The following UBE2Q2 variants were observed in gnomAD, a reference collection of about 807,000 sequenced individuals.
UBE2Q2 encodes the protein ubiquitin-conjugating enzyme E2 Q2.
In UBE2Q2, 54 loss-of-function variants were observed where a neutral mutation model predicts 59.9. The ratio of observed to expected loss-of-function variants is 0.90; its 90% CI spans 0.72 to 1.13. The LOEUF (loss-of-function observed/expected upper bound fraction) is 1.13. Ranked by LOEUF, UBE2Q2 falls within the 50% of genes most tolerant of loss-of-function variation. The probability of loss-of-function intolerance (pLI) is 0.00; values close to 1 mark genes in which losing one functional copy is unlikely to be tolerated. For synonymous variants in UBE2Q2, 165 were observed against 155.2 expected, an observed-to-expected ratio of 1.06 and a Z score of -0.47; for missense variants, 433 against 441.9, an observed-to-expected ratio of 0.98 and a Z score of 0.18.
At chr15:75,866,155 T>G (rs902236408) in intron 3 of UBE2Q2, among the ~76,000 whole-genome samples, 3 of 152,082 alleles carry the variant, frequency 2.0e-5, no homozygotes, top group African/African-American at 4.8e-5. Flanking sequence ...CTGTAAAGTG[T>G]GGGGGTTTTA....
intron 1 of UBE2Q2, among the ~76,000 whole-genome samples, chr15:75,853,488 A>C (rs1307388274): frequency 6.8e-6 from 1 of 147,308 alleles, no homozygotes; most frequent in Non-Finnish European, 1.5e-5. Flanking sequence ...AAGAAAAAAA[A>C]ATTATATATA....
chr15:75,894,136 G>C (rs1899262408), intron 11 of UBE2Q2, among the ~76,000 whole-genome samples: 1 of 152,182 alleles, frequency 6.6e-6, no homozygotes, highest in Non-Finnish European at 1.5e-5. Context: ...AGAATATCTA[G>C]AGAATAGCAA....
intron 4 of UBE2Q2, among the ~76,000 whole-genome samples, chr15:75,872,780 A>G (rs1296959895): frequency 1.3e-5 from 2 of 152,296 alleles, no homozygotes; most frequent in East Asian, 3.9e-4. Flanking sequence ...GAGATAACTA[A>G]GATTAACTGA....
At chr15:75,866,119 G>T (rs1357395949) in intron 3 of UBE2Q2, among the ~76,000 whole-genome samples, 1 of 151,428 alleles carries the variant, frequency 6.6e-6, no homozygotes, top group Non-Finnish European at 1.5e-5. Flanking sequence ...TTTTCTTTCT[G>T]GTAGTTGGTA....
chr15:75,899,532 G>A lies in UBE2Q2; in HGVS notation c.*74G>A, dbSNP rs779015785. The A allele has an allele frequency of 1.6e-6, 2 of 1,288,058 alleles. No individual in the cohort carries two copies. The highest frequency in any genetic ancestry group is 2.2e-6 in the Non-Finnish European group (2 of 912,452). 79.8% of individuals were successfully genotyped at this position (1,288,058 alleles called of 1,614,324 possible). ...TTTCTAACATGCAGACAAAAGCTTT[G>A]AGTGCCCCTATTACAGCAGTACCGA... On this transcript the variant is annotated 3_prime_UTR_variant, in exon 13 of 13. Coordinates refer to ENST00000267938, the MANE Select transcript of UBE2Q2 (RefSeq NM_173469.4).
chr15:75,883,259 C>A, intron 8 of UBE2Q2, 107 bp from the exon 9 acceptor site: 3 of 1,028,048 alleles, frequency 2.9e-6, no homozygotes, highest in South Asian at 1.7e-5. Context: ...TACCCATTAT[C>A]TGATAATAAA....
At chr15:75,871,345 C>T (rs539376112) in intron 4 of UBE2Q2, among the ~76,000 whole-genome samples, 3 of 152,322 alleles carry the variant, frequency 2.0e-5, no homozygotes, top group Admixed American at 6.5e-5. Flanking sequence ...TTCCTCTTGT[C>T]TCAACTGCAA....
chr15:75,844,491 G>A, intron 1 of UBE2Q2: 1 of 1,551,290 alleles, frequency 6.4e-7, no homozygotes, highest in Non-Finnish European at 8.7e-7. Context: ...GGCAGGTGGT[G>A]TTGAGTGTGT....
Position 75,843,775 on chromosome 15 carries a change from C to G in UBE2Q2, c.109C>G (p.Gln37Glu), listed in dbSNP as rs890641626. 15 of 1,610,106 alleles carry G rather than the reference C, an allele frequency of 9.3e-6. No homozygotes were observed. Among genetic ancestry groups the G allele is most frequent in the Non-Finnish European group, 1.2e-5 (14 of 1,178,720 alleles). Residue 37 changes from glutamine (Q) to glutamate (E), a missense_variant, in exon 1 of 13, where the codon CAG (glutamine) becomes GAG (glutamate). Transcript: ENST00000267938. ...VSWKLDELHCQFLVPQQGSPH... is the reference protein window; with the variant it reads ...VSWKLDELHCEFLVPQQGSPH... ...TTGGAAGCTGGACGAGCTGCACTGC[C>G]AGTTCCTGGTGCCGCAGCAGGGCAG...
chr15:75,852,627 CTT>C, intron 1 of UBE2Q2, among the ~76,000 whole-genome samples: 1 of 152,288 alleles, frequency 6.6e-6, no homozygotes, highest in South Asian at 2.1e-4. Flanking sequence ...GTTGCAGTTT[CTT>C]TAGCCTAAGG....
intron 1 of UBE2Q2, among the ~76,000 whole-genome samples, chr15:75,849,013 G>A (rs139408881): frequency 6.6e-6 from 1 of 152,226 alleles, no homozygotes; most frequent in East Asian, 1.9e-4. Context: ...TGCTGCTTGT[G>A]TTTGAATACT....
chr15:75,879,844 C>T (rs1180302846), intron 8 of UBE2Q2, among the ~76,000 whole-genome samples: 1 of 151,948 alleles, frequency 6.6e-6, no homozygotes, highest in Non-Finnish European at 1.5e-5. Flanking sequence ...CATACGTGAG[C>T]AGTAAAACTG....
At chr15:75,894,269 A>T (rs755740309) in intron 11 of UBE2Q2, among the ~76,000 whole-genome samples, 1 of 152,098 alleles carries the variant, frequency 6.6e-6, no homozygotes, top group Non-Finnish European at 1.5e-5. Context: ...AAAGGACAAT[A>T]AAAAAAACCT....
At chr15:75,859,507 T>C (rs368886309) in intron 2 of UBE2Q2, among the ~76,000 whole-genome samples, 31 of 152,340 alleles carry the variant, frequency 2.0e-4, no homozygotes, top group African/African-American at 7.5e-4. Context: ...ATTTTTTCTG[T>C]TATTTTTTGT....
In UBE2Q2 at chr15:75,899,669, T is replaced by C; in HGVS notation, c.*211T>C. ...ATATCTTGGACTGAGCAGTGGGGCC[T>C]TTACTGTATTTTTCCTGATAAATAC... On this transcript the variant is annotated 3_prime_UTR_variant, in exon 13 of 13. Transcript: ENST00000267938. 3 of 321,532 alleles carry C rather than the reference T, an allele frequency of 9.3e-6. No individual in the cohort carries two copies. The highest frequency in any genetic ancestry group is 1.4e-4 in the South Asian group (2 of 14,648). The allele number at this position is 321,532 out of a possible 1,614,324, so 19.9% of individuals were successfully genotyped here. A position where few individuals can be genotyped will look rare whatever the true frequency, so the allele number is the denominator to read the frequency against.
intron 4 of UBE2Q2, among the ~76,000 whole-genome samples, chr15:75,871,393 C>G (rs899826498): frequency 6.6e-6 from 1 of 152,220 alleles, no homozygotes; most frequent in Non-Finnish European, 1.5e-5. Flanking sequence ...TTCCTCAGCA[C>G]AGACCCTTTA....
chr15:75,897,022 C>CGG lies in UBE2Q2; in HGVS notation c.1057_1058insGG (p.Gln353ArgfsTer38). On this transcript the variant is annotated frameshift_variant, in exon 12 of 13. Transcript: ENST00000267938. LOFTEE classifies it high-confidence loss of function. ...TCAATATAATCTAGCAAGAGCCCAA[C>CGG]AATCCTATAATTCCATTGTACAGAT... 1 of 1,572,672 alleles carries CGG rather than the reference C, an allele frequency of 6.4e-7. No homozygotes were observed. Among genetic ancestry groups the CGG allele is most frequent in the Non-Finnish European group, 8.6e-7 (1 of 1,156,828 alleles).
intron 8 of UBE2Q2, among the ~76,000 whole-genome samples, chr15:75,881,274 C>T (rs562143624): frequency 6.6e-6 from 1 of 152,036 alleles, no homozygotes; most frequent in East Asian, 1.9e-4. Flanking sequence ...CCCTGTGTGC[C>T]CCTCCCTTGT....
At chr15:75,851,743 A>C (rs996792406) in intron 1 of UBE2Q2, among the ~76,000 whole-genome samples, 1 of 152,242 alleles carries the variant, frequency 6.6e-6, no homozygotes, top group Non-Finnish European at 1.5e-5. Context: ...TTCATGACTT[A>C]GTCACACAAG....
Sources: allele counts gnomAD v4.1 joint callset (sites outside exome capture counted in the v4.1 genomes callset), GRCh38; gene constraint gnomAD v4.1.1; transcripts MANE v1.5; gene names NCBI Gene and HGNC (gene_info 2026-07-23, HGNC 2026-07-21).